KCNH7: variants seen among roughly 807,000 people sequenced by gnomAD.
KCNH7 encodes potassium voltage-gated channel subfamily H member 7.
Under a neutral mutation model 120.8 loss-of-function variants are expected in KCNH7, and 49 were observed. That is an observed-to-expected ratio of 0.41 (90% CI 0.32 to 0.51). The LOEUF is 0.51. Among genes scored for constraint, KCNH7 ranks in the 20% least tolerant of loss-of-function variants. The pLI is 0.38. For missense variants in KCNH7, 1,097 were observed against 1,446.6 expected (o/e 0.76, Z 3.92); for synonymous variants, 547 against 516.1 (o/e 1.06, Z -0.81).
chr2:162,432,526 C>T (rs183371811), intron 8 of KCNH7, among the ~76,000 whole-genome samples: 16 of 152,058 alleles, frequency 1.1e-4, no homozygotes, highest in South Asian at 6.2e-4. Flanking sequence ...TAAAAATCAA[C>T]GATCAGGATC....
chr2:162,588,950 C>A (rs562043099), intron 2 of KCNH7, among the ~76,000 whole-genome samples: 2 of 152,050 alleles, frequency 1.3e-5, no homozygotes, highest in Admixed American at 1.3e-4. Flanking sequence ...GGTTACTATC[C>A]TCAAGGAGCA....
At chr2:162,432,342 A>G (rs1688096795) in intron 8 of KCNH7, among the ~76,000 whole-genome samples, 1 of 152,016 alleles carries the variant, frequency 6.6e-6, no homozygotes, top group South Asian at 2.1e-4. Flanking sequence ...GAATTTGTAG[A>G]ATGTCTTAAT....
At chr2:162,381,884 A>G (rs1256956004) in intron 13 of KCNH7, among the ~76,000 whole-genome samples, 1 of 152,142 alleles carries the variant, frequency 6.6e-6, no homozygotes, top group African/African-American at 2.4e-5. Context: ...AAACAATAAT[A>G]TCTTAGCAAA....
intron 6 of KCNH7, among the ~76,000 whole-genome samples, chr2:162,491,398 G>A (rs924341827): frequency 1.3e-5 from 2 of 152,152 alleles, no homozygotes; most frequent in African/African-American, 4.8e-5. Context: ...TACTAGGCCA[G>A]GACCCCAATT....
chr2:162,603,197 A>T (rs1266504568), intron 2 of KCNH7, among the ~76,000 whole-genome samples: 1 of 152,036 alleles, frequency 6.6e-6, no homozygotes, highest in Non-Finnish European at 1.5e-5. Flanking sequence ...TGAACTATAG[A>T]TATTGCTGGT....
intron 2 of KCNH7, among the ~76,000 whole-genome samples, chr2:162,832,803 G>A (rs1160670704): frequency 6.6e-6 from 1 of 152,050 alleles, no homozygotes; most frequent in African/African-American, 2.4e-5. Context: ...ATAATTTTCA[G>A]ACATAGTAAA....
chr2:162,375,895 TAA>T (rs1224297777), intron 14 of KCNH7, among the ~76,000 whole-genome samples: 23 of 92,062 alleles, frequency 2.5e-4, no homozygotes, highest in Admixed American at 3.8e-4. Context: ...AGACCCTATC[TAA>T]AAAAAAAAAA....
intron 6 of KCNH7, among the ~76,000 whole-genome samples, chr2:162,466,036 A>G (rs1398983249): frequency 6.6e-6 from 1 of 152,154 alleles, no homozygotes; most frequent in Non-Finnish European, 1.5e-5. Context: ...TATTTAATTG[A>G]CCGCATCTAC....
chr2:162,828,213 A>G (rs1196146567), intron 2 of KCNH7, among the ~76,000 whole-genome samples: 1 of 152,170 alleles, frequency 6.6e-6, no homozygotes, highest in Non-Finnish European at 1.5e-5. Flanking sequence ...TGTCCAATTG[A>G]TATAATCTTA....
intron 5 of KCNH7, among the ~76,000 whole-genome samples, chr2:162,512,272 T>C (rs1006992539): frequency 6.6e-6 from 1 of 151,876 alleles, no homozygotes; most frequent in Non-Finnish European, 1.5e-5. Context: ...TGCTGTCATG[T>C]AGCACTTTGC....
At chr2:162,573,960 A>C (rs1183070273) in intron 2 of KCNH7, among the ~76,000 whole-genome samples, 4 of 152,038 alleles carry the variant, frequency 2.6e-5, no homozygotes. Context: ...AATATGTTAT[A>C]AAAAGAACAG....
intron 2 of KCNH7, among the ~76,000 whole-genome samples, chr2:162,707,962 C>T (rs955229828): frequency 2.0e-5 from 3 of 151,848 alleles, no homozygotes; most frequent in Non-Finnish European, 4.4e-5. Context: ...GTGATTCCTC[C>T]CTCTCTGATC....
At chr2:162,790,035 A>T (rs149149189) in intron 2 of KCNH7, among the ~76,000 whole-genome samples, 3,890 of 152,018 alleles carry the variant, frequency 0.026, 81 homozygotes, top group Non-Finnish European at 0.033. Flanking sequence ...AATAGATAAG[A>T]TCAATAAAAA....
At chr2:162,694,094 A>G (rs1686206404) in intron 2 of KCNH7, among the ~76,000 whole-genome samples, 1 of 152,214 alleles carries the variant, frequency 6.6e-6, no homozygotes, top group Non-Finnish European at 1.5e-5. Flanking sequence ...AATGATATGT[A>G]TTCTCATTCT....
intron 2 of KCNH7, among the ~76,000 whole-genome samples, chr2:162,610,675 T>C (rs896452011): frequency 1.3e-5 from 2 of 152,224 alleles, no homozygotes; most frequent in African/African-American, 4.8e-5. Flanking sequence ...GCTATTTTTA[T>C]CTTCATTTAT....
chr2:162,597,875 A>AT (rs1188341768), intron 2 of KCNH7, among the ~76,000 whole-genome samples: 2 of 152,036 alleles, frequency 1.3e-5, no homozygotes, highest in Admixed American at 6.6e-5. Flanking sequence ...TGAAAACTTA[A>AT]TTTTTTTCTA....
intron 2 of KCNH7, among the ~76,000 whole-genome samples, chr2:162,674,574 C>T (rs1384719721): frequency 1.3e-5 from 2 of 151,586 alleles, no homozygotes; most frequent in East Asian, 1.9e-4. Flanking sequence ...TTTAGGGGAT[C>T]TATCCAAGAG....
chr2:162,704,651 C>T (rs1686631909), intron 2 of KCNH7, among the ~76,000 whole-genome samples: 1 of 152,308 alleles, frequency 6.6e-6, no homozygotes, highest in South Asian at 2.1e-4. Flanking sequence ...AAGAACCCTA[C>T]TGGGCAATGG....
At chr2:162,815,351 C>T (rs571827118) in intron 2 of KCNH7, among the ~76,000 whole-genome samples, 2 of 152,132 alleles carry the variant, frequency 1.3e-5, no homozygotes, top group East Asian at 1.9e-4. Context: ...CCCACAAAAA[C>T]ATAAATATGT....
Sources: gnomAD v4.1 joint callset for allele counts (sites outside exome capture counted in the v4.1 genomes callset) on GRCh38, gnomAD v4.1.1 for gene constraint, MANE v1.5 for transcripts, NCBI Gene and HGNC (gene_info 2026-07-23, HGNC 2026-07-21) for gene names.